Variants in IL1RAPL2 observed in about 807,000 individuals in gnomAD.
IL1RAPL2 encodes the protein interleukin 1 receptor accessory protein like 2.
Under a neutral mutation model 44.1 loss-of-function variants are expected in IL1RAPL2, and 3 were observed. The ratio of observed to expected loss-of-function variants is 0.07; its 90% CI spans 0.03 to 0.18. The LOEUF is 0.18. Ranked by LOEUF, IL1RAPL2 falls within the 10% of genes least tolerant of loss-of-function variation. The probability of loss-of-function intolerance (pLI) is 1.00; values close to 1 mark genes in which losing one functional copy is unlikely to be tolerated. For synonymous variants in IL1RAPL2, 181 were observed against 178.8 expected, an observed-to-expected ratio of 1.01 and a Z score of -0.10; for missense variants, 391 against 496.4, an observed-to-expected ratio of 0.79 and a Z score of 2.02.
At chrX:104,714,735 A>T (rs868566053) in intron 2 of IL1RAPL2, among the ~76,000 whole-genome samples, 3 of 111,515 alleles carry the variant, frequency 2.7e-5, no homozygotes, top group African/African-American at 9.8e-5. Flanking sequence ...CTACTGAGAT[A>T]ATCGTGTGGT....
intron 2 of IL1RAPL2, among the ~76,000 whole-genome samples, chrX:104,708,410 G>T (rs754438449): frequency 9.0e-6 from 1 of 110,581 alleles, no homozygotes; most frequent in Non-Finnish European, 1.9e-5. Context: ...TAATATTTGC[G>T]CTAGGCCCTT....
chrX:104,742,794 A>C lies in IL1RAPL2; in HGVS notation c.82+83799A>C, dbSNP rs746019075. Among the ~76,000 whole-genome samples, 3 of 111,770 alleles carry C rather than the reference A, an allele frequency of 2.7e-5. No individual in the cohort carries two copies. The South Asian group carries it at 1.1e-3, about 42-fold the overall frequency. On this transcript the variant is annotated intron_variant, in intron 2 of 10. Transcript: ENST00000372582. The stretch of plus-strand genomic sequence containing the variant: ...AAGGGAAGCCCTTTGACCCATGGTG[A>C]TAGAGCCTTTCCAGAAAGAAGGAAA...
intron 2 of IL1RAPL2, among the ~76,000 whole-genome samples, chrX:104,828,134 G>A (rs1278156682): frequency 9.0e-6 from 1 of 111,626 alleles, no homozygotes; most frequent in Non-Finnish European, 1.9e-5. Flanking sequence ...CTGTCAATTT[G>A]TCAAACTAAT....
intron 2 of IL1RAPL2, among the ~76,000 whole-genome samples, chrX:104,855,531 G>A (rs1017840213): frequency 9.1e-6 from 1 of 110,198 alleles, no homozygotes; most frequent in African/African-American, 3.3e-5. Flanking sequence ...TCCTAGCAAA[G>A]TGTCTCACAG....
At chrX:105,735,395 T>C (rs1250219519) in intron 7 of IL1RAPL2, among the ~76,000 whole-genome samples, 1 of 111,341 alleles carries the variant, frequency 9.0e-6, no homozygotes, top group Non-Finnish European at 1.9e-5. Context: ...CAATAATCAG[T>C]TTAAAATGTA....
intron 2 of IL1RAPL2, among the ~76,000 whole-genome samples, chrX:105,167,709 G>A (rs1030619195): frequency 2.9e-5 from 3 of 102,977 alleles, no homozygotes; most frequent in Middle Eastern, 4.4e-3. Context: ...TAAAGCTGGG[G>A]AAGTGTGTCT....
chrX:104,771,188 C>A (rs1160198968), intron 2 of IL1RAPL2, among the ~76,000 whole-genome samples: 1 of 112,136 alleles, frequency 8.9e-6, no homozygotes, highest in Non-Finnish European at 1.9e-5. Flanking sequence ...CTAAATTTAA[C>A]TTTTAAACCT....
chrX:104,706,178 CA>C (rs1931361184), intron 2 of IL1RAPL2, among the ~76,000 whole-genome samples: 1 of 111,041 alleles, frequency 9.0e-6, no homozygotes, highest in African/African-American at 3.3e-5. Flanking sequence ...TGCCCATGGA[CA>C]AGTCACTTGA....
At chrX:104,916,101 T>C (rs1252620538) in intron 2 of IL1RAPL2, among the ~76,000 whole-genome samples, 4 of 111,954 alleles carry the variant, frequency 3.6e-5, no homozygotes, top group African/African-American at 1.3e-4. Context: ...TCCAATTCTG[T>C]GAAGAAAGTC....
intron 4 of IL1RAPL2, among the ~76,000 whole-genome samples, chrX:105,260,883 A>G (rs1233686067): frequency 8.9e-6 from 1 of 112,223 alleles, no homozygotes; most frequent in African/African-American, 3.2e-5. Flanking sequence ...TGGAATTCCA[A>G]GTCTTGTTCT....
intron 6 of IL1RAPL2, among the ~76,000 whole-genome samples, chrX:105,691,054 T>C (rs1187921653): frequency 9.0e-6 from 1 of 111,298 alleles, no homozygotes; most frequent in African/African-American, 3.3e-5. Context: ...CATATGACCT[T>C]ATTTAACCTT....
intron 2 of IL1RAPL2, among the ~76,000 whole-genome samples, chrX:105,149,474 A>C (rs1002317876): frequency 2.7e-5 from 3 of 111,779 alleles, no homozygotes; most frequent in Non-Finnish European, 3.8e-5. Context: ...GGTAGTAATA[A>C]TAGTACCTAC....
In IL1RAPL2 at chrX:104,749,969, A is replaced by T. The variant is rs767267711; in HGVS notation, c.82+90974A>T. On this transcript the variant is annotated intron_variant, in intron 2 of 10. Coordinates refer to ENST00000372582, the MANE Select transcript of IL1RAPL2 (RefSeq NM_017416.2). ...AAGTTTAGTGTTAGCCTGATAGGCAAAATGGCTGACTGACTAGGAAAAAGG... is the reference window on the plus strand; with the variant it reads ...AAGTTTAGTGTTAGCCTGATAGGCATAATGGCTGACTGACTAGGAAAAAGG... 1.6e-4 allele frequency among the ~76,000 whole-genome samples: 18 copies of T among 112,174 alleles called. No homozygotes were observed. The South Asian group carries it at 6.6e-3, about 41-fold the overall frequency.
At chrX:105,104,677 A>G (rs746619685) in intron 2 of IL1RAPL2, among the ~76,000 whole-genome samples, 134 of 112,135 alleles carry the variant, frequency 1.2e-3, no homozygotes, top group Non-Finnish European at 2.3e-3. Context: ...TTTATTGATT[A>G]GTCACTCTGA....
At chrX:105,356,871 G>GT (rs774849254) in intron 5 of IL1RAPL2, among the ~76,000 whole-genome samples, 1 of 111,977 alleles carries the variant, frequency 8.9e-6, no homozygotes, top group African/African-American at 3.2e-5. Context: ...ACAAACCTTG[G>GT]TAATGGATTG....
At chrX:105,297,929 G>A (rs1401746565) in intron 5 of IL1RAPL2, among the ~76,000 whole-genome samples, 1 of 110,874 alleles carries the variant, frequency 9.0e-6, no homozygotes, top group African/African-American at 3.3e-5. Context: ...TTCTCTATGT[G>A]TGTGTGTTTC....
chrX:104,698,939 C>T (rs1931225825), intron 2 of IL1RAPL2, among the ~76,000 whole-genome samples: 3 of 111,332 alleles, frequency 2.7e-5, no homozygotes, highest in African/African-American at 9.8e-5. Context: ...ATGACAATCT[C>T]TCTCTTATTC....
intron 2 of IL1RAPL2, among the ~76,000 whole-genome samples, chrX:104,709,665 CA>C (rs1210433530): frequency 4.2e-4 from 47 of 110,601 alleles, no homozygotes; most frequent in African/African-American, 1.5e-3. Context: ...TTAACATCAT[CA>C]AAACAAAACA....
chrX:104,867,472 G>A, intron 2 of IL1RAPL2, among the ~76,000 whole-genome samples: 1 of 111,477 alleles, frequency 9.0e-6, no homozygotes, highest in Non-Finnish European at 1.9e-5. Flanking sequence ...ATCTGCATTA[G>A]TTTAAACCAT....
Sources: gnomAD v4.1 joint callset for allele counts (sites outside exome capture counted in the v4.1 genomes callset) on GRCh38, gnomAD v4.1.1 for gene constraint, MANE v1.5 for transcripts, NCBI Gene and HGNC (gene_info 2026-07-23, HGNC 2026-07-21) for gene names.